The following PRDM2 variants were observed in gnomAD, a reference collection of about 807,000 sequenced individuals.
PRDM2 encodes the protein PR/SET domain 2.
Under a neutral mutation model 130.0 loss-of-function variants are expected in PRDM2, and 30 were observed. The ratio of observed to expected loss-of-function variants is 0.23; its 90% CI spans 0.17 to 0.31. The LOEUF is 0.31. Among genes scored for constraint, PRDM2 ranks in the 10% least tolerant of loss-of-function variants. The probability of loss-of-function intolerance (pLI) is 1.00; values close to 1 mark genes in which losing one functional copy is unlikely to be tolerated. For missense variants in PRDM2, 2,011 were observed against 2,108.4 expected, an observed-to-expected ratio of 0.95 and a Z score of 0.90; for synonymous variants, 871 against 782.4, an observed-to-expected ratio of 1.11 and a Z score of -1.89.
chr1:13,745,425 G>GTTT (rs572467638), intron 5 of PRDM2, among the ~76,000 whole-genome samples: 2 of 139,250 alleles, frequency 1.4e-5, no homozygotes, highest in Admixed American at 7.2e-5. Flanking sequence ...TAAGCTAATG[G>GTTT]TTTTTTTTTT....
chr1:13,715,288 AT>A (rs1162496777), intron 1 of PRDM2, among the ~76,000 whole-genome samples: 7 of 152,238 alleles, frequency 4.6e-5, no homozygotes, highest in Admixed American at 4.6e-4. Flanking sequence ...CAAAGCAAAG[AT>A]TTGATGTCCT....
chr1:13,751,696 C>T (rs568554549), intron 6 of PRDM2, among the ~76,000 whole-genome samples: 1 of 152,016 alleles, frequency 6.6e-6, no homozygotes, highest in Admixed American at 6.6e-5. Flanking sequence ...TACATAGAGC[C>T]GACAGGTAGA....
chr1:13,749,219 T>C, intron 5 of PRDM2, 142 bp from the exon 6 acceptor site: 1 of 785,472 alleles, frequency 1.3e-6, no homozygotes, highest in African/African-American at 1.9e-5. Flanking sequence ...CCGGGAGCCC[T>C]TCCTGCCGGC....
rs752533440 is a variant in PRDM2 at position 13,782,390 on chromosome 1, G to C, written c.4595G>C (p.Gly1532Ala). 1 of 1,613,860 alleles carries C rather than the reference G, an allele frequency of 6.2e-7. No individual in the cohort carries two copies. The highest frequency in any genetic ancestry group is 8.5e-7 in the Non-Finnish European group (1 of 1,180,014). ...IKMQSMQTPL[G>A]KTRARSSGPT... Reference sequence around the variant, plus strand: ...ATGCAAAGCATGCAGACTCCGTTGGGCAAGACCAGAGCCCGCAGCTCAGGC... The same window carrying C: ...ATGCAAAGCATGCAGACTCCGTTGGCCAAGACCAGAGCCCGCAGCTCAGGC... Residue 1532 changes from glycine (G) to alanine (A), a missense_variant, in exon 8 of 10, where the codon GGC (glycine) becomes GCC (alanine). By Grantham distance (60) the Gly-to-Ala change is moderately conservative. This residue lies in a region of PRDM2 where 410 missense variants were observed against 395.9 expected (regional missense o/e 1.04). Transcript: ENST00000311066.
At chr1:13,794,881 T>G (rs1221037177) in intron 8 of PRDM2, among the ~76,000 whole-genome samples, 1 of 152,260 alleles carries the variant, frequency 6.6e-6, no homozygotes, top group Non-Finnish European at 1.5e-5. Flanking sequence ...GGCCTGTAAC[T>G]CCTGGTTTGG....
rs763450411 is a variant in PRDM2, at chr1:13,780,133, G to C, written c.2338G>C (p.Asp780His). Reference protein sequence around the residue: ...SKKSKLESHSDSPAWSLSGRD... With the variant: ...SKKSKLESHSHSPAWSLSGRD... ...AAAATCCAAATTAGAAAGTCACAGC[G>C]ACTCACCAGCATGGAGTTTGTCTGG... The change falls in exon 8 of 10, where the codon GAC becomes CAC. Residue 780 changes from aspartate (D) to histidine (H), a missense_variant. This residue lies in a region of PRDM2 where 1,288 missense variants were observed against 1,237.7 expected (regional missense o/e 1.04). Coordinates refer to ENST00000311066, the MANE Select transcript of PRDM2 (RefSeq NM_001393986.1). 14 of 1,610,726 alleles carry C rather than the reference G, an allele frequency of 8.7e-6. No homozygotes were observed. The highest frequency in any genetic ancestry group is 1.3e-5 in the African/African-American group (1 of 74,958).
At chr1:13,745,755 C>CA (rs34243568) in intron 5 of PRDM2, among the ~76,000 whole-genome samples, 2 of 152,076 alleles carry the variant, frequency 1.3e-5, no homozygotes, top group African/African-American at 4.8e-5. Context: ...AGGAATAGAA[C>CA]AAAAGCCCAT....
At position 13,758,941 on chromosome 1, in the gene PRDM2, T is replaced by G. The variant is rs1193694667; in HGVS notation, c.511+9454T>G. Among the ~76,000 whole-genome samples, 3 of 152,184 alleles carry G rather than the reference T, an allele frequency of 2.0e-5. No individual in the cohort carries two copies. In the East Asian group the frequency reaches 5.8e-4, roughly 29 times the overall value. On this transcript the variant is annotated intron_variant, in intron 6 of 9. Transcript: ENST00000311066. ...GTGTGTGGTATATAAAAATAACAGT[T>G]TATAAGATAAGAATATAACATCTAA... is the stretch of plus-strand genomic sequence containing the variant.
intron 7 of PRDM2, 108 bp downstream of exon 7, chr1:13,773,296 G>A (rs1019539552): frequency 6.1e-6 from 4 of 650,910 alleles, no homozygotes; most frequent in Non-Finnish European, 9.2e-6. Flanking sequence ...GGATCTTTAC[G>A]AGGTTAAACA....
intron 9 of PRDM2, among the ~76,000 whole-genome samples, chr1:13,819,811 T>C (rs1645319206): frequency 6.6e-6 from 1 of 152,176 alleles, no homozygotes; most frequent in African/African-American, 2.4e-5. Flanking sequence ...AGCTCTCTGG[T>C]GTCTCTTCTT....
At position 13,727,055 on chromosome 1, in the gene PRDM2, C is replaced by A. The variant is rs563816671; in HGVS notation, c.10-3945C>A. Among the ~76,000 whole-genome samples the A allele has an allele frequency of 2.0e-5, 3 of 152,282 alleles. No individual in the cohort carries two copies. In the East Asian group the frequency reaches 5.8e-4, roughly 29 times the overall value. On this transcript the variant is annotated intron_variant, in intron 2 of 9. Coordinates refer to ENST00000311066, the MANE Select transcript of PRDM2 (RefSeq NM_001393986.1). The stretch of plus-strand genomic sequence containing the variant: ...CCTTACCCCTGCCTGCCCCTCCTGC[C>A]TCAGTTCTAGCTGCTTCTCCTACCT...
At chr1:13,706,585 A>G (rs1642217197) in intron 1 of PRDM2, among the ~76,000 whole-genome samples, 1 of 152,200 alleles carries the variant, frequency 6.6e-6, no homozygotes, top group Non-Finnish European at 1.5e-5. Flanking sequence ...ACCTGGAACT[A>G]AGAGCCCCCA....
chr1:13,711,544 C>T (rs1180175233), intron 1 of PRDM2, among the ~76,000 whole-genome samples: 1 of 152,228 alleles, frequency 6.6e-6, no homozygotes, highest in Non-Finnish European at 1.5e-5. Context: ...AGGAAAGGGA[C>T]AGTCTTGCTC....
At chr1:13,760,644 G>A (rs1462202198) in intron 6 of PRDM2, among the ~76,000 whole-genome samples, 1 of 152,100 alleles carries the variant, frequency 6.6e-6, no homozygotes, top group Non-Finnish European at 1.5e-5. Flanking sequence ...GACTTCGGAT[G>A]GGTTACTCTC....
intron 7 of PRDM2, among the ~76,000 whole-genome samples, chr1:13,776,242 C>T (rs1165355865): frequency 6.6e-6 from 1 of 152,056 alleles, no homozygotes; most frequent in African/African-American, 2.4e-5. Flanking sequence ...CTAGTACTGG[C>T]AGATAGTGGG....
At chr1:13,763,940 A>C (rs955345930) in intron 6 of PRDM2, among the ~76,000 whole-genome samples, 4 of 152,228 alleles carry the variant, frequency 2.6e-5, no homozygotes, top group African/African-American at 9.7e-5. Flanking sequence ...ACCATTGTTC[A>C]TATGGGCATT....
rs1365812240 is a variant in PRDM2, at chr1:13,726,028, CA to C, written c.10-4971del. ...CTGGATTGAAATTACCTAGCTCTGC[CA>C]CCTGCTGGCTGGGACTATGGGCAAA... On this transcript the variant is annotated intron_variant, in intron 2 of 9. Transcript: ENST00000311066. 4.6e-5 allele frequency among the ~76,000 whole-genome samples: 7 copies of C among 152,360 alleles called. No individual in the cohort carries two copies. In the East Asian group the frequency reaches 1.2e-3, roughly 25 times the overall value.
rs926100570 is a variant in PRDM2 at position 13,803,580 on chromosome 1, G to A, written c.5037-12847G>A. On this transcript the variant is annotated intron_variant, in intron 8 of 9. Coordinates refer to ENST00000311066, the MANE Select transcript of PRDM2 (RefSeq NM_001393986.1). The surrounding 1 kb of genome is among the most constrained non-coding windows in gnomAD (Gnocchi z 6.2). ...AACAACCTGGAGTATGACTGTGAGC[G>A]AGTGCCTTGCTCGCTCTCCTCGGTT... 1.3e-5 allele frequency among the ~76,000 whole-genome samples: 2 copies of A among 152,146 alleles called. No individual in the cohort carries two copies. Among genetic ancestry groups the A allele is most frequent in the Non-Finnish European group, 2.9e-5 (2 of 68,026 alleles).
chr1:13,819,097 C>T (rs538288314), intron 9 of PRDM2, among the ~76,000 whole-genome samples: 31 of 152,306 alleles, frequency 2.0e-4, no homozygotes, highest in African/African-American at 7.0e-4. Flanking sequence ...AAGGCTGCTA[C>T]GTGAACCTTC....
Sources: gnomAD v4.1 joint callset for allele counts (sites outside exome capture counted in the v4.1 genomes callset) on GRCh38, gnomAD v4.1.1 for gene constraint, gnomAD v4.1.1 regional missense constraint, Gnocchi (gnomAD v3.1) non-coding constraint, MANE v1.5 for transcripts, NCBI Gene and HGNC (gene_info 2026-07-23, HGNC 2026-07-21) for gene names.